The following NAALADL2 variants were observed in gnomAD, a reference collection of about 807,000 sequenced individuals.
The protein encoded by NAALADL2 is inactive N-acetylated-alpha-linked acidic dipeptidase-like protein 2.
A neutral mutation model predicts 87.2 loss-of-function variants in NAALADL2; 76 were observed. The ratio of observed to expected loss-of-function variants is 0.87; its 90% CI spans 0.72 to 1.05. The LOEUF is 1.05. Among genes scored for constraint, NAALADL2 ranks in the 50% least tolerant of loss-of-function variants. The probability of loss-of-function intolerance (pLI) is 0.00; values close to 1 mark genes in which losing one functional copy is unlikely to be tolerated. For missense variants in NAALADL2, 1,089 were observed against 945.8 expected, an observed-to-expected ratio of 1.15 and a Z score of -1.99; for synonymous variants, 354 against 331.0, an observed-to-expected ratio of 1.07 and a Z score of -0.75.
chr3:174,950,992 A>C (rs188619214), intron 1 of NAALADL2, among the ~76,000 whole-genome samples: 37 of 152,206 alleles, frequency 2.4e-4, no homozygotes, highest in African/African-American at 7.2e-4. Context: ...GAAAAAGATA[A>C]AGGACAGAAG....
chr3:175,258,789 G>C (rs1750521697), intron 4 of NAALADL2, among the ~76,000 whole-genome samples: 1 of 152,076 alleles, frequency 6.6e-6, no homozygotes, highest in African/African-American at 2.4e-5. Context: ...ATTTATCTGA[G>C]AAGCCTAAAG....
chr3:175,451,321 C>T (rs948436272), intron 6 of NAALADL2, among the ~76,000 whole-genome samples: 8 of 151,036 alleles, frequency 5.3e-5, no homozygotes, highest in South Asian at 2.1e-4. Context: ...TGTATCGCTG[C>T]GAGAACTAAA....
intron 11 of NAALADL2, among the ~76,000 whole-genome samples, chr3:175,719,302 A>G (rs1324750028): frequency 1.3e-5 from 2 of 152,126 alleles, no homozygotes; most frequent in Admixed American, 1.3e-4. Flanking sequence ...ATATGTTGCT[A>G]AAAGAAAACT....
At chr3:175,170,950 G>A (rs971321211) in intron 2 of NAALADL2, among the ~76,000 whole-genome samples, 1 of 151,882 alleles carries the variant, frequency 6.6e-6, no homozygotes, top group African/African-American at 2.4e-5. Context: ...GCTGCCATCA[G>A]AGAGTTATAA....
chr3:175,750,134 C>T (rs1746448905), intron 12 of NAALADL2, among the ~76,000 whole-genome samples: 2 of 152,088 alleles, frequency 1.3e-5, no homozygotes, highest in South Asian at 2.1e-4. Context: ...GTGTCTTAAC[C>T]AGATGTATAA....
intron 1 of NAALADL2, among the ~76,000 whole-genome samples, chr3:174,900,414 T>C (rs972624432): frequency 4.6e-5 from 7 of 152,016 alleles, no homozygotes; most frequent in African/African-American, 1.7e-4. Context: ...ATAAAAACAA[T>C]AGAGTACACT....
At chr3:174,674,803 A>G (rs1441685185) in intron 2 of NAALADL2, among the ~76,000 whole-genome samples, 1 of 151,956 alleles carries the variant, frequency 6.6e-6, no homozygotes, top group African/African-American at 2.4e-5. Context: ...AATCTACTCA[A>G]TGACCTTCAT....
At chr3:175,097,352 G>T (rs548231198) in intron 2 of NAALADL2, 61 bp downstream of exon 2, 11 of 1,480,404 alleles carry the variant, frequency 7.4e-6, no homozygotes, top group African/African-American at 1.4e-5. Flanking sequence ...GTCTCACAGG[G>T]GGTATTGAAC....
chr3:175,369,982 A>G (rs1766244318), intron 5 of NAALADL2, among the ~76,000 whole-genome samples: 1 of 152,188 alleles, frequency 6.6e-6, no homozygotes, highest in Admixed American at 6.5e-5. Flanking sequence ...TCCAGCTACC[A>G]CAAGTGTGAA....
chr3:174,515,398 A>G (rs180903545), intron 1 of NAALADL2, among the ~76,000 whole-genome samples: 57 of 152,230 alleles, frequency 3.7e-4, no homozygotes, highest in Admixed American at 3.2e-3. Flanking sequence ...CCTTGAGGAT[A>G]AAACGAAATG....
At chr3:175,066,480 T>C (rs187078046) in intron 1 of NAALADL2, among the ~76,000 whole-genome samples, 259 of 152,142 alleles carry the variant, frequency 1.7e-3, no homozygotes, top group African/African-American at 5.9e-3. Flanking sequence ...TGCCACAAAG[T>C]AGATGCTCAG....
At chr3:174,754,415 A>T (rs1011457883) in intron 3 of NAALADL2, among the ~76,000 whole-genome samples, 81 of 152,132 alleles carry the variant, frequency 5.3e-4, no homozygotes, top group African/African-American at 1.9e-3. Context: ...AGATTAACAA[A>T]GTATAAAATA....
chr3:175,353,655 T>C (rs1041274937), intron 5 of NAALADL2, among the ~76,000 whole-genome samples: 21 of 152,160 alleles, frequency 1.4e-4, no homozygotes, highest in Admixed American at 3.9e-4. Flanking sequence ...TCAAAGAAAA[T>C]GTAGGATTTG....
At chr3:175,281,095 C>T (rs1754240326) in intron 4 of NAALADL2, among the ~76,000 whole-genome samples, 2 of 140,474 alleles carry the variant, frequency 1.4e-5, no homozygotes, top group African/African-American at 5.3e-5. Flanking sequence ...TTATATAATA[C>T]TAAAATAATT....
intron 2 of NAALADL2, among the ~76,000 whole-genome samples, chr3:174,696,572 G>A (rs1249587274): frequency 7.1e-6 from 1 of 139,912 alleles, no homozygotes; most frequent in South Asian, 2.2e-4. Context: ...AAAAATTAGG[G>A]GTCAGGCAGG....
chr3:174,922,041 C>T lies in NAALADL2; in HGVS notation c.43+62591C>T, dbSNP rs1257835920. Among the ~76,000 whole-genome samples, 9 of 151,984 alleles carry T rather than the reference C, an allele frequency of 5.9e-5. No individual in the cohort carries two copies. The South Asian group carries it at 1.7e-3, about 28-fold the overall frequency. ...TTATTAATAATATAAACTATTTTGG[C>T]TCATGCCTTAATCCCAGCAGTTTGG... On this transcript the variant is annotated intron_variant, in intron 1 of 13. Coordinates refer to ENST00000454872, the MANE Select transcript of NAALADL2 (RefSeq NM_207015.3).
chr3:175,291,923 G>A (rs1755687113), intron 4 of NAALADL2, among the ~76,000 whole-genome samples: 1 of 152,010 alleles, frequency 6.6e-6, no homozygotes, highest in Non-Finnish European at 1.5e-5. Flanking sequence ...TACTAATAAT[G>A]GTTCATTTAG....
At chr3:174,865,381 G>A (rs11922249) in intron 1 of NAALADL2, among the ~76,000 whole-genome samples, 2 of 151,834 alleles carry the variant, frequency 1.3e-5, no homozygotes, top group Non-Finnish European at 2.9e-5. Context: ...TCTGAGATCT[G>A]ATTAAACTGC....
At chr3:174,851,978 A>T (rs1452468287) in intron 3 of NAALADL2, among the ~76,000 whole-genome samples, 1 of 152,156 alleles carries the variant, frequency 6.6e-6, no homozygotes, top group East Asian at 1.9e-4. Context: ...GAGAAAATCT[A>T]TATGATCCTT....
Sources: allele counts gnomAD v4.1 joint callset (sites outside exome capture counted in the v4.1 genomes callset), GRCh38; gene constraint gnomAD v4.1.1; transcripts MANE v1.5; gene names NCBI Gene and HGNC (gene_info 2026-07-23, HGNC 2026-07-21).